The following INTS9 variants were observed in gnomAD, a reference collection of about 807,000 sequenced individuals.
INTS9 encodes the protein protein related to CPSF subunits of 74 kDa.
A neutral mutation model predicts 79.7 loss-of-function variants in INTS9; 55 were observed. That is an observed-to-expected ratio of 0.69 (90% CI 0.56 to 0.86). INTS9 has a LOEUF of 0.86. Ranked by LOEUF, INTS9 falls within the 40% of genes least tolerant of loss-of-function variation. The probability of loss-of-function intolerance (pLI) is 0.00; values close to 1 mark genes in which losing one functional copy is unlikely to be tolerated. For synonymous variants in INTS9, 319 were observed against 325.2 expected (o/e 0.98, Z 0.20); for missense variants, 721 against 831.5 (o/e 0.87, Z 1.64).
At chr8:28,845,392 C>A (rs1426463829) in intron 4 of INTS9, among the ~76,000 whole-genome samples, 1 of 152,180 alleles carries the variant, frequency 6.6e-6, no homozygotes, top group Non-Finnish European at 1.5e-5. Flanking sequence ...GTGACTATTA[C>A]TAATTTGTGC....
chr8:28,847,136 C>T (rs559443565), intron 3 of INTS9, among the ~76,000 whole-genome samples: 2 of 152,282 alleles, frequency 1.3e-5, no homozygotes, highest in Admixed American at 1.3e-4. Flanking sequence ...ACTGTACTAG[C>T]AACACCAGAA....
At chr8:28,769,119 G>C (rs970078028) in intron 16 of INTS9, among the ~76,000 whole-genome samples, 12 of 152,284 alleles carry the variant, frequency 7.9e-5, no homozygotes, top group African/African-American at 2.6e-4. Context: ...TTCCCTACGG[G>C]AAAATCAAAG....
intron 12 of INTS9, among the ~76,000 whole-genome samples, chr8:28,778,303 G>A (rs969436265): frequency 6.6e-6 from 1 of 152,322 alleles, no homozygotes; most frequent in African/African-American, 2.4e-5. Context: ...CACTTATTCA[G>A]ATGAAAATCA....
chr8:28,792,554 A>AC (rs895844413), intron 10 of INTS9, among the ~76,000 whole-genome samples: 1 of 151,268 alleles, frequency 6.6e-6, no homozygotes, highest in Non-Finnish European at 1.5e-5. Flanking sequence ...AACAAAAACA[A>AC]AAAAAAAAAT....
chr8:28,862,173 C>CT (rs1808498223), intron 1 of INTS9: 5 of 985,436 alleles, frequency 5.1e-6, no homozygotes, highest in Non-Finnish European at 6.0e-6. Context: ...TTTTCTTCCT[C>CT]TGTCACCAAG....
intron 15 of INTS9, among the ~76,000 whole-genome samples, chr8:28,770,765 C>T (rs142056894): frequency 2.0e-5 from 3 of 152,334 alleles, no homozygotes; most frequent in Non-Finnish European, 4.4e-5. Flanking sequence ...AGCCCTGCCT[C>T]GCGTGGCAGC....
intron 1 of INTS9, among the ~76,000 whole-genome samples, chr8:28,884,172 T>TTTG: frequency 1.6e-5 from 1 of 61,546 alleles, no homozygotes; most frequent in Non-Finnish European, 3.6e-5. Flanking sequence ...GTGTATCTTT[T>TTTG]TTTTTTTTTT....
chr8:28,831,760 G>A (rs996048295), intron 6 of INTS9, among the ~76,000 whole-genome samples: 2 of 152,076 alleles, frequency 1.3e-5, no homozygotes, highest in Admixed American at 6.5e-5. Context: ...GTGCAGTGGC[G>A]TGATCTTAGC....
intron 6 of INTS9, 96 bp downstream of exon 6, chr8:28,835,196 A>G (rs2131175585): frequency 2.6e-6 from 2 of 764,852 alleles, no homozygotes; most frequent in Non-Finnish European, 4.3e-6. Flanking sequence ...ATATAACCAA[A>G]TCATTGTTTA....
chr8:28,775,011 A>G (rs1271672072), intron 14 of INTS9, among the ~76,000 whole-genome samples: 1 of 152,254 alleles, frequency 6.6e-6, no homozygotes, highest in Admixed American at 6.5e-5. Context: ...AGTATGCTCA[A>G]GAGGATATAA....
At chr8:28,784,234 T>C (rs908889560) in intron 11 of INTS9, among the ~76,000 whole-genome samples, 1 of 152,200 alleles carries the variant, frequency 6.6e-6, no homozygotes, top group African/African-American at 2.4e-5. Context: ...TTCCTAACTC[T>C]AAATGGCACC....
chr8:28,775,836 C>CG lies in INTS9; in HGVS notation c.1485dup (p.Ala496ArgfsTer8), dbSNP rs780617509. The CG allele has an allele frequency of 3.1e-6, 5 of 1,613,666 alleles. No individual in the cohort carries two copies. Among genetic ancestry groups the CG allele is most frequent in the Non-Finnish European group, 2.5e-6 (3 of 1,179,814 alleles). Reference sequence around the variant, plus strand: ...ACCTCAGCCCGCCGATAGGACATGGCGGGGGGCTGGCAGTCGATCATGAGG... The same window carrying CG: ...ACCTCAGCCCGCCGATAGGACATGGCGGGGGGGCTGGCAGTCGATCATGAGG... On this transcript the variant is annotated frameshift_variant, in exon 14 of 17. Transcript: ENST00000521022. LOFTEE classifies it high-confidence loss of function.
intron 6 of INTS9, among the ~76,000 whole-genome samples, chr8:28,813,868 C>T (rs560508866): frequency 2.6e-5 from 4 of 152,162 alleles, no homozygotes; most frequent in Admixed American, 1.3e-4. Flanking sequence ...TCAAGCGAAT[C>T]TCCTGCCTCA....
At chr8:28,862,166 T>A in intron 1 of INTS9, 1 of 985,444 alleles carries the variant, frequency 1.0e-6, no homozygotes, top group Non-Finnish European at 1.2e-6. Context: ...ATTCCAGTTT[T>A]CTTCCTCTGT....
chr8:28,871,839 A>C (rs1374673878), intron 1 of INTS9, among the ~76,000 whole-genome samples: 1 of 152,224 alleles, frequency 6.6e-6, no homozygotes, highest in Non-Finnish European at 1.5e-5. Context: ...ATCTGGGAAA[A>C]TAATATTTAT....
chr8:28,853,342 G>A (rs1281361080), intron 2 of INTS9, among the ~76,000 whole-genome samples: 2 of 151,452 alleles, frequency 1.3e-5, no homozygotes, highest in African/African-American at 4.9e-5. Context: ...GAACCTGGGA[G>A]GCAAGGGTTG....
intron 1 of INTS9, among the ~76,000 whole-genome samples, chr8:28,867,186 G>A (rs1808801540): frequency 6.6e-6 from 1 of 152,166 alleles, no homozygotes; most frequent in Non-Finnish European, 1.5e-5. Context: ...ACTTTGGGAG[G>A]CCAAGGCGGG....
Position 28,889,883 on chromosome 8 carries a change from A to T in INTS9, c.-1T>A. ...AGGAGCGAAGACTCACCAGTTTCAT[A>T]ATGGACTTTTGGTGGTTCAATAGCA... On this transcript the variant is annotated 5_prime_UTR_variant, in exon 1 of 17. Coordinates refer to ENST00000521022, the MANE Select transcript of INTS9 (RefSeq NM_018250.4). The T allele has an allele frequency of 6.2e-7, 1 of 1,613,780 alleles. No homozygotes were observed. The highest frequency in any genetic ancestry group is 8.5e-7 in the Non-Finnish European group (1 of 1,179,786).
At chr8:28,837,890 T>C (rs2131190190) in intron 4 of INTS9, 114 bp from the exon 5 acceptor site, 2 of 1,010,490 alleles carry the variant, frequency 2.0e-6, no homozygotes, top group South Asian at 1.6e-5. Flanking sequence ...TGCAGAATAA[T>C]GATGGCTTTC....
Sources: gnomAD v4.1 joint callset for allele counts (sites outside exome capture counted in the v4.1 genomes callset) on GRCh38, gnomAD v4.1.1 for gene constraint, MANE v1.5 for transcripts, NCBI Gene and HGNC (gene_info 2026-07-23, HGNC 2026-07-21) for gene names.